ZC3H18: variants seen among roughly 807,000 people sequenced by gnomAD.
The protein encoded by ZC3H18 is zinc finger CCCH domain-containing protein 18.
In ZC3H18, 8 loss-of-function variants were observed where a neutral mutation model predicts 106.1. The observed-to-expected ratio is 0.08, with a 90% CI of 0.04 to 0.14. The LOEUF is 0.14. ZC3H18 is among the 10% of genes least tolerant of loss of function. ZC3H18 has a pLI of 1.00. For synonymous variants in ZC3H18, 635 were observed against 522.1 expected (o/e 1.22, Z -2.95); for missense variants, 1,318 against 1,278.4 (o/e 1.03, Z -0.47).
Position 88,624,763 on chromosome 16 carries a change from CGGG to C in ZC3H18, c.2042+20_2042+22del. ...CCCAGGAGGTGAGCACTCCGGCGTC[CGGG>C]GCCCTCAGGCTTTCCGTGTTCTTGG... is the stretch of plus-strand genomic sequence containing the variant. On this transcript the variant is annotated intron_variant, in intron 12 of 17. Coordinates refer to ENST00000301011, the MANE Select transcript of ZC3H18 (RefSeq NM_144604.4). 1 of 1,601,016 alleles carries C rather than the reference CGGG, an allele frequency of 6.2e-7. No homozygotes were observed. The highest frequency in any genetic ancestry group is 8.5e-7 in the Non-Finnish European group (1 of 1,174,722).
intron 3 of ZC3H18, among the ~76,000 whole-genome samples, chr16:88,589,385 C>T (rs932122098): frequency 3.3e-5 from 5 of 152,224 alleles, no homozygotes; most frequent in African/African-American, 4.8e-5. Flanking sequence ...AGCATAATTT[C>T]CAGTAACCAA....
At chr16:88,585,497 G>C (rs1915381536) in intron 2 of ZC3H18, among the ~76,000 whole-genome samples, 3 of 152,260 alleles carry the variant, frequency 2.0e-5, no homozygotes. Context: ...GTCAACACAA[G>C]GGTGCTCAGG....
At position 88,623,280 on chromosome 16, in the gene ZC3H18, T is replaced by C; in HGVS notation, c.1729T>C (p.Ser577Pro). The C allele has an allele frequency of 1.2e-6, 2 of 1,613,824 alleles. No individual in the cohort carries two copies. Among genetic ancestry groups the C allele is most frequent in the South Asian group, 2.2e-5 (2 of 91,082 alleles). Reference protein sequence around the residue: ...SGSSRSRSRSSSYSSYSSRSS... With the variant: ...SGSSRSRSRSPSYSSYSSRSS... ...CTCCTCCCGGTCGCGATCCCGGTCT[T>C]CATCCTACAGCTCCTACTCCAGCCG... The change falls in exon 10 of 18, where the codon TCA becomes CCA. Residue 577 changes from serine (S) to proline (P), a missense_variant. Physicochemically the swap from Ser to Pro is moderately conservative, Grantham distance 74. Coordinates refer to ENST00000301011, the MANE Select transcript of ZC3H18 (RefSeq NM_144604.4).
intron 15 of ZC3H18, 153 bp from the exon 16 acceptor site, chr16:88,628,605 A>T: frequency 1.3e-6 from 1 of 747,496 alleles, no homozygotes; most frequent in Non-Finnish European, 2.2e-6. Flanking sequence ...CGGGTCCTGG[A>T]GGCCTCACTC....
At chr16:88,591,179 C>T (rs1915729426) in intron 3 of ZC3H18, among the ~76,000 whole-genome samples, 1 of 151,764 alleles carries the variant, frequency 6.6e-6, no homozygotes, top group African/African-American at 2.4e-5. Flanking sequence ...ACTGTGTTAG[C>T]CAGGATGGTC....
chr16:88,587,408 G>C (rs1331127382), intron 3 of ZC3H18: 1 of 687,360 alleles, frequency 1.5e-6, no homozygotes, highest in Non-Finnish European at 2.4e-6. Context: ...TTGTAATTCA[G>C]CGTTCCCCTT....
chr16:88,623,513 C>A, intron 10 of ZC3H18, 169 bp downstream of exon 10: 1 of 889,426 alleles, frequency 1.1e-6, no homozygotes, highest in South Asian at 1.8e-5. Flanking sequence ...CACCAAACAC[C>A]AGCCTTGCGG....
intron 2 of ZC3H18, among the ~76,000 whole-genome samples, chr16:88,581,472 T>G (rs1313173077): frequency 6.6e-6 from 1 of 152,198 alleles, no homozygotes; most frequent in African/African-American, 2.4e-5. Context: ...GCCTTGAATC[T>G]GTGTTTGGTA....
At chr16:88,603,380 G>A (rs943749421) in intron 6 of ZC3H18, among the ~76,000 whole-genome samples, 39 of 151,532 alleles carry the variant, frequency 2.6e-4, no homozygotes, top group African/African-American at 9.0e-4. Flanking sequence ...CAGCACTTTG[G>A]GAGGCCAAAG....
At chr16:88,616,840 G>C (rs1237239972) in intron 8 of ZC3H18, among the ~76,000 whole-genome samples, 1 of 152,184 alleles carries the variant, frequency 6.6e-6, no homozygotes, top group Non-Finnish European at 1.5e-5. Flanking sequence ...GCAGTGTCCA[G>C]CACGGCTGCA....
At position 88,621,473 on chromosome 16, in the gene ZC3H18, C is replaced by T. The variant is rs986042291; in HGVS notation, c.1476-724C>T. Among the ~76,000 whole-genome samples, 4 of 152,172 alleles carry T rather than the reference C, an allele frequency of 2.6e-5. No homozygotes were observed. In the South Asian group the frequency reaches 8.3e-4, roughly 32 times the overall value. ...TCTCTTGACCTCGTGATTCGCCCGC[C>T]TCGGCCTCCCAAAGTGCTGGGATTA... On this transcript the variant is annotated intron_variant, in intron 8 of 17. Coordinates refer to ENST00000301011, the MANE Select transcript of ZC3H18 (RefSeq NM_144604.4).
At chr16:88,587,912 T>C (rs1915530982) in intron 3 of ZC3H18, among the ~76,000 whole-genome samples, 1 of 152,204 alleles carries the variant, frequency 6.6e-6, no homozygotes. Flanking sequence ...GTGGGGCTCA[T>C]GGGAACCCCG....
At chr16:88,589,319 C>T (rs573726445) in intron 3 of ZC3H18, among the ~76,000 whole-genome samples, 1 of 152,300 alleles carries the variant, frequency 6.6e-6, no homozygotes, top group African/African-American at 2.4e-5. Context: ...AGGTATGCAG[C>T]CAAGAGAAAC....
rs147792336 is a variant in ZC3H18, at chr16:88,623,228, G to A, written c.1677G>A (p.Ser559=). The A allele has an allele frequency of 3.2e-4, 517 of 1,612,918 alleles. 4 individuals are homozygous for A. The South Asian group carries it at 4.9e-3, about 15-fold the overall frequency. Residue 559 remains serine, a synonymous_variant, in exon 10 of 18, where the codon TCG becomes TCA. Coordinates refer to ENST00000301011, the MANE Select transcript of ZC3H18 (RefSeq NM_144604.4). ...GTCCCGCCCGCCCCAGGTCGTCTTC[G>A]CGGTCATCGTCCTACTCTGGCTCCG... ...ASASNSSRSS[S]RSSSYSGSGS...
rs766227725 is a variant in ZC3H18, at chr16:88,577,559, G to A, written c.436G>A (p.Glu146Lys). ...GCCAGCTCCCGCCGTCCAGGAGGAC[G>A]AGGCTGAGAAAGCGGGGGCTGAGGA... The part of the protein sequence containing the change: ...EEPAPAVQED[E>K]AEKAGAEDDE... The change falls in exon 2 of 18, where the codon GAG becomes AAG. Residue 146 changes from glutamate to lysine, a missense_variant. Physicochemically the swap from Glu to Lys is moderately conservative, Grantham distance 56 (BLOSUM62 1). Coordinates refer to ENST00000301011, the MANE Select transcript of ZC3H18 (RefSeq NM_144604.4). 28 of 1,613,728 alleles carry A rather than the reference G, an allele frequency of 1.7e-5. No individual in the cohort carries two copies. Among genetic ancestry groups the A allele is most frequent in the East Asian group, 4.5e-5 (2 of 44,878 alleles).
intron 2 of ZC3H18, among the ~76,000 whole-genome samples, chr16:88,580,646 G>A (rs1046220696): frequency 6.6e-6 from 1 of 152,090 alleles, no homozygotes; most frequent in Non-Finnish European, 1.5e-5. Context: ...CTTTCTCAGA[G>A]GCCCTGCTGC....
intron 4 of ZC3H18, 27 bp from the exon 5 acceptor site, chr16:88,598,593 A>G (rs1178055553): frequency 3.1e-6 from 5 of 1,590,126 alleles, no homozygotes. Flanking sequence ...TTACTTTCTC[A>G]CCTTCTCCCT....
chr16:88,624,002 C>A lies in ZC3H18; in HGVS notation c.1838C>A (p.Ser613Tyr), dbSNP rs763807582. Residue 613 changes from serine (S) to tyrosine (Y), a missense_variant, in exon 11 of 18, where the codon TCC becomes TAC. Around this residue, in one of 6 missense-constraint regions of ZC3H18, gnomAD observed 848 missense variants for 821.7 expected, o/e 1.03. Coordinates refer to ENST00000301011, the MANE Select transcript of ZC3H18 (RefSeq NM_144604.4). The stretch of plus-strand genomic sequence containing the variant: ...TCCCCGTCCCCGTCCCCAACACCTT[C>A]CCCACATAGACCTTCCATCAGAACC... ...SSSPSPSPTP[S>Y]PHRPSIRTKG... The A allele has an allele frequency of 6.2e-7, 1 of 1,614,064 alleles. No individual in the cohort carries two copies. The highest frequency in any genetic ancestry group is 1.7e-5 in the Admixed American group (1 of 60,016).
At chr16:88,603,592 C>T (rs1904858239) in intron 6 of ZC3H18, among the ~76,000 whole-genome samples, 1 of 149,582 alleles carries the variant, frequency 6.7e-6, no homozygotes, top group South Asian at 2.1e-4. Context: ...CCCCTGCACT[C>T]CAGCCTGGGC....
Sources: gnomAD v4.1 joint callset for allele counts (sites outside exome capture counted in the v4.1 genomes callset) on GRCh38, gnomAD v4.1.1 for gene constraint, gnomAD v4.1.1 regional missense constraint, MANE v1.5 for transcripts, NCBI Gene and HGNC (gene_info 2026-07-23, HGNC 2026-07-21) for gene names.